Variants in NXPE4 observed in about 807,000 individuals in gnomAD.
NXPE4 encodes NXPE family member 4.
NXPE4 carries 42 observed loss-of-function variants against 33.3 expected under a neutral mutation model. The observed-to-expected ratio is 1.26, with a 90% CI of 0.98 to 1.63. NXPE4 has a LOEUF of 1.63. Among genes scored for constraint, NXPE4 ranks in the 40% most tolerant of loss-of-function variants. The probability of loss-of-function intolerance (pLI) is 0.00; values close to 1 mark genes in which losing one functional copy is unlikely to be tolerated. For synonymous variants in NXPE4, 253 were observed against 234.9 expected (o/e 1.08, Z -0.71); for missense variants, 709 against 647.6 (o/e 1.09, Z -1.03).
At chr11:114,617,232 C>G in the NXPE4 span, among the ~76,000 whole-genome samples, 1 of 151,752 alleles carries the variant, frequency 6.6e-6, no homozygotes, top group African/African-American at 2.4e-5. Flanking sequence ...ATAAATATTT[C>G]CTCGTGGGTA....
the NXPE4 span, among the ~76,000 whole-genome samples, chr11:114,671,806 G>A: frequency 6.6e-6 from 1 of 152,004 alleles, no homozygotes; most frequent in Non-Finnish European, 1.5e-5. Flanking sequence ...GAATTCCTCA[G>A]TTTGAAAACA....
chr11:114,631,967 C>G, the NXPE4 span, among the ~76,000 whole-genome samples: 63,351 of 149,268 alleles, frequency 0.42, 14,757 homozygotes, highest in African/African-American at 0.61. Context: ...CTATTACGTA[C>G]TGGATAATAA....
the NXPE4 span, among the ~76,000 whole-genome samples, chr11:114,639,736 AAAT>A: frequency 9.8e-6 from 1 of 102,130 alleles, no homozygotes; most frequent in African/African-American, 3.4e-5. Context: ...ATATAATATA[AAAT>A]AATATATAAT....
the NXPE4 span, among the ~76,000 whole-genome samples, chr11:114,608,948 T>C: frequency 6.6e-6 from 1 of 151,274 alleles, no homozygotes; most frequent in Non-Finnish European, 1.5e-5. Flanking sequence ...GTAACCACTG[T>C]TACCCTGTGG....
chr11:114,649,111 C>G, the NXPE4 span, among the ~76,000 whole-genome samples: 1 of 151,506 alleles, frequency 6.6e-6, no homozygotes, highest in Non-Finnish European at 1.5e-5. Context: ...TCGCCTTCAG[C>G]AAGCACCTCA....
At chr11:114,614,904 C>G in the NXPE4 span, among the ~76,000 whole-genome samples, 3 of 151,832 alleles carry the variant, frequency 2.0e-5, no homozygotes, top group Middle Eastern at 6.8e-3. Context: ...CTAGGGTAAT[C>G]ACTGTTACCC....
At chr11:114,625,741 T>A in the NXPE4 span, among the ~76,000 whole-genome samples, 5 of 152,250 alleles carry the variant, frequency 3.3e-5, no homozygotes, top group African/African-American at 9.6e-5. Flanking sequence ...GGCAGGTGAT[T>A]TCTGCATTTC....
the NXPE4 span, among the ~76,000 whole-genome samples, chr11:114,625,526 T>C: frequency 1.3e-5 from 2 of 152,108 alleles, no homozygotes; most frequent in African/African-American, 4.8e-5. Flanking sequence ...GGATAATAAG[T>C]ATTGCCTCAT....
chr11:114,571,024 T>C lies in NXPE4; in HGVS notation c.1549A>G (p.Thr517Ala), dbSNP rs755314724. Reference sequence around the variant, plus strand: ...ACATTATTTGTGCCATATGCAATTGTTATATCCCAGGCATCAATGATACTC... The same window carrying C: ...ACATTATTTGTGCCATATGCAATTGCTATATCCCAGGCATCAATGATACTC... ...SVSIIDAWDI[T>A]IAYGTNNVHP... Residue 517 changes from threonine to alanine, a missense_variant, in exon 6 of 6, where the codon ACA (threonine) becomes GCA (alanine). Transcript: ENST00000375478. The C allele has an allele frequency of 3.1e-6, 5 of 1,613,418 alleles. No homozygotes were observed. Among genetic ancestry groups the C allele is most frequent in the Non-Finnish European group, 4.2e-6 (5 of 1,179,488 alleles).
At chr11:114,663,633 C>CATCTATT in the NXPE4 span, among the ~76,000 whole-genome samples, 2 of 103,818 alleles carry the variant, frequency 1.9e-5, no homozygotes, top group South Asian at 6.5e-4. Context: ...ATCTATCTAT[C>CATCTATT]TATCATCTAT....
chr11:114,674,664 A>G, the NXPE4 span, among the ~76,000 whole-genome samples: 1 of 151,828 alleles, frequency 6.6e-6, no homozygotes, highest in African/African-American at 2.4e-5. Flanking sequence ...CAATGAACAA[A>G]ACTGTTCAAC....
the NXPE4 span, among the ~76,000 whole-genome samples, chr11:114,648,917 T>C: frequency 6.7e-6 from 1 of 150,220 alleles, no homozygotes; most frequent in African/African-American, 2.4e-5. Context: ...TCAATACATC[T>C]TATGTTATAT....
the NXPE4 span, among the ~76,000 whole-genome samples, chr11:114,651,065 C>T: frequency 6.6e-6 from 1 of 151,414 alleles, no homozygotes. Context: ...TAATAGCTAG[C>T]ATAATGTATA....
chr11:114,601,659 A>ATTT, the NXPE4 span, among the ~76,000 whole-genome samples: 19 of 38,074 alleles, frequency 5.0e-4, no homozygotes, highest in African/African-American at 2.1e-3. Flanking sequence ...ATATATTATA[A>ATTT]ATAATTATAT....
the NXPE4 span, among the ~76,000 whole-genome samples, chr11:114,607,588 T>C: frequency 1.6e-4 from 25 of 151,908 alleles, 1 homozygote; most frequent in African/African-American, 5.8e-4. Context: ...CAGTGGATAA[T>C]AAGTCATGCC....
chr11:114,586,504 T>A (rs888757633), intron 2 of NXPE4, among the ~76,000 whole-genome samples: 2 of 152,198 alleles, frequency 1.3e-5, no homozygotes, highest in Non-Finnish European at 2.9e-5. Flanking sequence ...GCTACCAGCC[T>A]TACAAGACTC....
chr11:114,669,454 A>C, the NXPE4 span, among the ~76,000 whole-genome samples: 1 of 151,992 alleles, frequency 6.6e-6, no homozygotes, highest in Non-Finnish European at 1.5e-5. Flanking sequence ...ATCCCTTTTC[A>C]TTCCTTCCAG....
At chr11:114,645,574 C>A in the NXPE4 span, among the ~76,000 whole-genome samples, 1 of 151,656 alleles carries the variant, frequency 6.6e-6, no homozygotes, top group East Asian at 1.9e-4. Flanking sequence ...TAAAAGATAC[C>A]CTAAACCAAG....
At chr11:114,617,530 G>C in the NXPE4 span, among the ~76,000 whole-genome samples, 2 of 151,750 alleles carry the variant, frequency 1.3e-5, no homozygotes, top group African/African-American at 4.8e-5. Flanking sequence ...GTGTTGCCTC[G>C]TGGCTAACCA....
Sources: gnomAD v4.1 joint callset for allele counts (sites outside exome capture counted in the v4.1 genomes callset) on GRCh38, gnomAD v4.1.1 for gene constraint, MANE v1.5 for transcripts, NCBI Gene and HGNC (gene_info 2026-07-23, HGNC 2026-07-21) for gene names.